SHPRH: variants seen among roughly 807,000 people sequenced by gnomAD.
SHPRH encodes SNF2 histone linker PHD RING helicase.
SHPRH carries 106 observed loss-of-function variants against 202.5 expected under a neutral mutation model. The ratio of observed to expected loss-of-function variants is 0.52; its 90% CI spans 0.45 to 0.62. The LOEUF is 0.62. Ranked by LOEUF, SHPRH falls within the 20% of genes least tolerant of loss-of-function variation. The pLI is 0.00. For synonymous variants in SHPRH, 729 were observed against 686.0 expected (o/e 1.06, Z -0.98); for missense variants, 1,710 against 2,020.0 (o/e 0.85, Z 2.94).
At chr6:145,926,694 T>A (rs1283689235) in intron 15 of SHPRH, among the ~76,000 whole-genome samples, 1 of 151,896 alleles carries the variant, frequency 6.6e-6, no homozygotes, top group Non-Finnish European at 1.5e-5. Context: ...CCATTTCTAC[T>A]TCTTATTTAG....
intron 2 of SHPRH, among the ~76,000 whole-genome samples, chr6:145,867,582 C>T (rs886972610): frequency 3.4e-5 from 4 of 118,286 alleles, no homozygotes; most frequent in African/African-American, 1.2e-4. Context: ...CAGAGTCACA[C>T]GCTGTCTTCA....
intron 2 of SHPRH, among the ~76,000 whole-genome samples, chr6:145,954,455 T>C (rs1322550416): frequency 2.0e-5 from 3 of 152,096 alleles, no homozygotes; most frequent in Non-Finnish European, 4.4e-5. Context: ...GAGGAACTGA[T>C]GATGAGGACC....
chr6:145,921,088 G>A lies in SHPRH; in HGVS notation c.4008+79C>T, dbSNP rs1784396481. On this transcript the variant is annotated intron_variant, in intron 21 of 29. Transcript: ENST00000275233. ...CAAAAGAAGATTTTAAAAAACTGGAGAGAGAAAAAAGTAGCAGTTAAAATT... is the reference window on the plus strand; with the variant it reads ...CAAAAGAAGATTTTAAAAAACTGGAAAGAGAAAAAAGTAGCAGTTAAAATT... 10 of 1,244,976 alleles carry A rather than the reference G, an allele frequency of 8.0e-6. 1 individual carries two copies. The South Asian group carries it at 1.5e-4, about 19-fold the overall frequency. The allele number at this position is 1,244,976 out of a possible 1,614,324, so 77.1% of individuals were successfully genotyped here. A position where few individuals can be genotyped will look rare whatever the true frequency, so the allele number is the denominator to read the frequency against.
At chr6:145,955,551 T>C (rs969104281) in intron 1 of SHPRH, among the ~76,000 whole-genome samples, 197 bp from the exon 2 acceptor site, 2 of 152,188 alleles carry the variant, frequency 1.3e-5, no homozygotes, top group Non-Finnish European at 2.9e-5. Context: ...ATCTCATTTA[T>C]CAAATAAATT....
At chr6:145,902,406 T>C (rs551064770) in intron 25 of SHPRH, among the ~76,000 whole-genome samples, 4 of 152,256 alleles carry the variant, frequency 2.6e-5, no homozygotes, top group Admixed American at 2.0e-4. Context: ...TTGTAAAATG[T>C]GGAGAACCTA....
chr6:145,939,481 T>A (rs528242848), intron 11 of SHPRH, among the ~76,000 whole-genome samples: 4 of 152,204 alleles, frequency 2.6e-5, no homozygotes, highest in African/African-American at 9.6e-5. Context: ...ACATCTTGTA[T>A]CTCCAAAAAA....
At chr6:145,886,835 T>A (rs765205488) in intron 29 of SHPRH, 48 bp from the exon 30 acceptor site, 3 of 1,582,658 alleles carry the variant, frequency 1.9e-6, no homozygotes, top group East Asian at 4.5e-5. Context: ...CCCCAAGCCA[T>A]CAGCGATTAT....
intron 19 of SHPRH, 108 bp downstream of exon 19, chr6:145,922,555 C>T: frequency 7.4e-7 from 1 of 1,355,336 alleles, no homozygotes; most frequent in Non-Finnish European, 9.9e-7. Context: ...ACTTCTGTCT[C>T]AATTAAAATG....
rs2128778012 is a variant in SHPRH at position 145,940,693 on chromosome 6, C to T, written c.2569+30G>A. ...TCTAAAAAATGAAGCTTTTCAAATG[C>T]ATGCAATATGTGAGGAAACCATACA... On this transcript the variant is annotated intron_variant, in intron 11 of 29. Transcript: ENST00000275233. 5 of 1,603,986 alleles carry T rather than the reference C, an allele frequency of 3.1e-6. No individual in the cohort carries two copies. The East Asian group carries it at 8.9e-5, about 29-fold the overall frequency.
rs770589659 is a variant in SHPRH at position 145,922,776 on chromosome 6, T to C, written c.3606A>G (p.Lys1202=). ...CAGCCTCTCTTACTAGCTTCTGGCA[T>C]TTATTTAGCTCTTCCATTTGTGTTG... ...LLTTQMEELN[K]CQKLVREAVK... The change falls in exon 19 of 30, where the codon AAA becomes AAG. Residue 1202 remains lysine, a synonymous_variant. Coordinates refer to ENST00000275233, the MANE Select transcript of SHPRH (RefSeq NM_001042683.3). 1 of 1,612,076 alleles carries C rather than the reference T, an allele frequency of 6.2e-7. No homozygotes were observed. Among genetic ancestry groups the C allele is most frequent in the Non-Finnish European group, 8.5e-7 (1 of 1,178,784 alleles).
chr6:145,921,103 CA>C, intron 21 of SHPRH, 63 bp downstream of exon 21: 2 of 1,355,194 alleles, frequency 1.5e-6, no homozygotes, highest in South Asian at 2.7e-5. Context: ...AAAAAAGTAG[CA>C]GTTAAAATTG....
Position 145,927,277 on chromosome 6 carries a change from C to G in SHPRH, c.3113G>C (p.Gly1038Ala), listed in dbSNP as rs1385638342. 3 of 1,610,410 alleles carry G rather than the reference C, an allele frequency of 1.9e-6. No homozygotes were observed. The East Asian group carries it at 6.7e-5, about 36-fold the overall frequency. The change falls in exon 15 of 30, where the codon GGT (glycine) becomes GCT (alanine). Residue 1038 changes from glycine to alanine, a missense_variant and splice_region_variant. Gly to Ala is a moderately conservative substitution (Grantham distance 60). Transcript: ENST00000275233. ...CAATTCTGCTGCCAAGGCATACTCA[C>G]CTAAAGAATTAAAATGTATTTAAAG... Reference protein sequence around the residue: ...NGLAGIHIIKGEYALAAELYR... With the variant: ...NGLAGIHIIKAEYALAAELYR...
At chr6:145,881,894 A>C (rs1468292660), downstream of SHPRH, among the ~76,000 whole-genome samples, 2 of 152,114 alleles carry the variant, frequency 1.3e-5, no homozygotes, top group African/African-American at 2.4e-5. Context: ...GCTTGAACCC[A>C]GGAGTTCGAG....
At chr6:145,904,116 A>G (rs1782739863) in intron 25 of SHPRH, 1 of 152,116 alleles carries the variant, frequency 6.6e-6, no homozygotes, top group Non-Finnish European at 1.5e-5. Context: ...GTCTACTACT[A>G]ATAAATAATA....
chr6:145,935,194 A>G lies in SHPRH; in HGVS notation c.2734-31T>C, dbSNP rs200606578. On this transcript the variant is annotated intron_variant, in intron 12 of 29. Coordinates refer to ENST00000275233, the MANE Select transcript of SHPRH (RefSeq NM_001042683.3). ...AAAAGGAGCAGAAAAAAAAAAAAAG[A>G]TATCATCTAAAAATTTATCTTTCCA... The G allele has an allele frequency of 1.2e-4, 193 of 1,591,048 alleles. No individual in the cohort carries two copies. In the East Asian group the frequency reaches 4.3e-3, roughly 35 times the overall value.
chr6:145,940,063 G>A (rs990593528), intron 11 of SHPRH, among the ~76,000 whole-genome samples: 5 of 152,026 alleles, frequency 3.3e-5, no homozygotes, highest in Non-Finnish European at 7.4e-5. Context: ...CTTGAATAAA[G>A]GTTTTAGAAA....
chr6:145,892,985 G>C (rs1333467245), intron 28 of SHPRH, among the ~76,000 whole-genome samples: 1 of 151,912 alleles, frequency 6.6e-6, no homozygotes, highest in Non-Finnish European at 1.5e-5. Context: ...GGACAATTTG[G>C]GGGTTTGCTT....
At chr6:145,929,916 G>GT (rs1785257444) in intron 14 of SHPRH, among the ~76,000 whole-genome samples, 1 of 152,008 alleles carries the variant, frequency 6.6e-6, no homozygotes, top group South Asian at 2.1e-4. Context: ...CTTCATCTCT[G>GT]TTTTTATAAC....
chr6:145,950,423 C>T lies in SHPRH; in HGVS notation c.823G>A (p.Glu275Lys), dbSNP rs765387933. ...ESEPEGQDIDELYHFVKQTHQ... is the reference protein window; with the variant it reads ...ESEPEGQDIDKLYHFVKQTHQ... ...GTTTGTTTCACAAAGTGATACAGCT[C>T]GTCAATGTCTTGTCCCTCTGGCTCA... The change falls in exon 4 of 30, where the codon GAG becomes AAG. Residue 275 changes from glutamate (E) to lysine (K), a missense_variant. Physicochemically the swap from Glu to Lys is moderately conservative, Grantham distance 56. Transcript: ENST00000275233. 7.4e-6 allele frequency: 12 copies of T among 1,613,094 alleles called. No homozygotes were observed. Among genetic ancestry groups the T allele is most frequent in the South Asian group, 4.4e-5 (4 of 91,070 alleles).
Sources: allele counts gnomAD v4.1 joint callset (sites outside exome capture counted in the v4.1 genomes callset), GRCh38; gene constraint gnomAD v4.1.1; transcripts MANE v1.5; gene names NCBI Gene and HGNC (gene_info 2026-07-23, HGNC 2026-07-21).